Variants in TFEC observed in about 807,000 individuals in gnomAD.
The protein encoded by TFEC is class E basic helix-loop-helix protein 34.
In TFEC, 31 loss-of-function variants were observed where a neutral mutation model predicts 41.6. The observed-to-expected ratio is 0.74, with a 90% CI of 0.56 to 1.01. The LOEUF (loss-of-function observed/expected upper bound fraction) is 1.01. Ranked by LOEUF, TFEC falls within the 50% of genes least tolerant of loss-of-function variation. The probability of loss-of-function intolerance (pLI) is 0.00; values close to 1 mark genes in which losing one functional copy is unlikely to be tolerated. For missense variants in TFEC, 402 were observed against 404.1 expected (o/e 0.99, Z 0.04); for synonymous variants, 143 against 140.6 (o/e 1.02, Z -0.12).
intron 1 of TFEC, chr7:116,117,677 T>G (rs1315679827): frequency 3.3e-5 from 5 of 151,896 alleles, no homozygotes; most frequent in African/African-American, 1.2e-4. Context: ...GAAGAAATAC[T>G]GAACAGTAAT....
intron 3 of TFEC, among the ~76,000 whole-genome samples, chr7:116,076,710 A>T (rs1414835610): frequency 2.6e-5 from 4 of 152,032 alleles, no homozygotes; most frequent in African/African-American, 9.7e-5. Context: ...AAATTAACCC[A>T]GTCCAACAAA....
intron 1 of TFEC, among the ~76,000 whole-genome samples, chr7:116,134,209 GT>G (rs1176071658): frequency 6.6e-6 from 1 of 152,134 alleles, no homozygotes; most frequent in Admixed American, 6.6e-5. Flanking sequence ...TAAATGATCT[GT>G]GTAAGTTCAG....
intron 3 of TFEC, among the ~76,000 whole-genome samples, chr7:116,060,933 T>A (rs1796540715): frequency 6.6e-6 from 1 of 152,022 alleles, no homozygotes; most frequent in African/African-American, 2.4e-5. Flanking sequence ...AATATTACAG[T>A]TAAAACTAAG....
At chr7:115,973,090 G>T (rs2130593378) in intron 3 of TFEC, among the ~76,000 whole-genome samples, 1 of 149,022 alleles carries the variant, frequency 6.7e-6, no homozygotes, top group Non-Finnish European at 1.5e-5. Context: ...TTAAAAAAAT[G>T]AAAACTGAAA....
intron 1 of TFEC, among the ~76,000 whole-genome samples, chr7:115,985,739 A>G (rs1328164937): frequency 6.6e-6 from 1 of 152,168 alleles, no homozygotes; most frequent in Admixed American, 6.5e-5. Context: ...AAGATTGGTA[A>G]TAAAGATTAC....
At chr7:116,147,618 T>C (rs1798670283) in intron 1 of TFEC, among the ~76,000 whole-genome samples, 1 of 145,814 alleles carries the variant, frequency 6.9e-6, no homozygotes, top group Non-Finnish European at 1.5e-5. Context: ...AGTGTTCTCA[T>C]TGTTCAATTC....
At position 116,054,653 on chromosome 7, in the gene TFEC, A is replaced by T. The variant is rs1373439736; in HGVS notation, c.198+56055T>A. Among the ~76,000 whole-genome samples, 6 of 152,188 alleles carry T rather than the reference A, an allele frequency of 3.9e-5. No individual in the cohort carries two copies. In the South Asian group the frequency reaches 8.3e-4, roughly 21 times the overall value. On this transcript the variant is annotated intron_variant, in intron 3 of 8. Transcript: ENST00000484212. ...ATACATTTGAATTTCAGATTTTTTT[A>T]AATGAATATTTTTAGTATAAGTATG...
At chr7:116,045,109 G>C (rs1796132857) in intron 3 of TFEC, among the ~76,000 whole-genome samples, 1 of 152,220 alleles carries the variant, frequency 6.6e-6, no homozygotes, top group African/African-American at 2.4e-5. Flanking sequence ...GAACAGTTTA[G>C]AGGGCTCAGA....
At chr7:115,991,812 A>T (rs962705779) in intron 1 of TFEC, among the ~76,000 whole-genome samples, 1 of 152,214 alleles carries the variant, frequency 6.6e-6, no homozygotes, top group South Asian at 2.1e-4. Context: ...ACAGAAAGTT[A>T]ACAAGGATAT....
intron 2 of TFEC, among the ~76,000 whole-genome samples, chr7:115,978,980 A>G (rs933842746): frequency 6.6e-6 from 1 of 152,190 alleles, no homozygotes; most frequent in Non-Finnish European, 1.5e-5. Flanking sequence ...GTATGCTGAC[A>G]ACCTCAAATC....
intron 1 of TFEC, among the ~76,000 whole-genome samples, chr7:115,994,764 T>C (rs1794285427): frequency 6.6e-6 from 1 of 152,150 alleles, no homozygotes; most frequent in African/African-American, 2.4e-5. Context: ...GTAAACTAGT[T>C]CAACCATTGT....
chr7:115,961,647 T>C (rs1485983085), intron 3 of TFEC, among the ~76,000 whole-genome samples: 2 of 151,614 alleles, frequency 1.3e-5, no homozygotes, highest in Non-Finnish European at 3.0e-5. Context: ...ATTGACATGC[T>C]TCTGGCAAAA....
chr7:115,954,051 C>T lies in TFEC; in HGVS notation c.439+535G>A, dbSNP rs145359241. Among the ~76,000 whole-genome samples the T allele has an allele frequency of 6.0e-3, 905 of 152,088 alleles. 13 individuals are homozygous for T. Among genetic ancestry groups the T allele is most frequent in the African/African-American group, 0.021 (854 of 41,540 alleles). On this transcript the variant is annotated intron_variant, in intron 5 of 7. Coordinates refer to ENST00000265440, the MANE Select transcript of TFEC (RefSeq NM_012252.4). ...TCGCTGCCAATCTACTTTTCTTGCC[C>T]GATTTCTCCATCTCATATGACCTGT...
intron 1 of TFEC, among the ~76,000 whole-genome samples, chr7:116,118,068 G>T (rs1280302335): frequency 6.6e-6 from 1 of 151,770 alleles, no homozygotes; most frequent in East Asian, 1.9e-4. Flanking sequence ...AACACCAAAA[G>T]ATCAACTGAT....
intron 1 of TFEC, among the ~76,000 whole-genome samples, chr7:116,147,238 A>C (rs6950848): frequency 0.5 from 76,157 of 151,918 alleles, 19,874 homozygotes; most frequent in East Asian, 0.7. Context: ...ATCCTCAAAT[A>C]TAGGAAGTTC....
intron 3 of TFEC, among the ~76,000 whole-genome samples, chr7:115,962,052 T>C (rs370070442): frequency 6.6e-6 from 1 of 151,424 alleles, no homozygotes; most frequent in Non-Finnish European, 1.5e-5. Context: ...ACATGAACCA[T>C]GAACAAACTG....
intron 1 of TFEC, among the ~76,000 whole-genome samples, chr7:116,015,350 GA>G (rs1443337479): frequency 1.3e-5 from 2 of 151,872 alleles, no homozygotes; most frequent in Non-Finnish European, 2.9e-5. Context: ...AGTTATAAAG[GA>G]AAAAAGTTCT....
At chr7:116,010,154 G>C (rs1490391405) in intron 1 of TFEC, among the ~76,000 whole-genome samples, 2 of 152,160 alleles carry the variant, frequency 1.3e-5, no homozygotes, top group African/African-American at 4.8e-5. Flanking sequence ...TAATGACATG[G>C]TCCAAAGGGG....
intron 3 of TFEC, among the ~76,000 whole-genome samples, chr7:116,053,995 T>C (rs1344531266): frequency 6.6e-6 from 1 of 152,236 alleles, no homozygotes; most frequent in African/African-American, 2.4e-5. Flanking sequence ...TGCAATTTAA[T>C]AGTAAACTGA....
Sources: allele counts gnomAD v4.1 joint callset (sites outside exome capture counted in the v4.1 genomes callset), GRCh38; gene constraint gnomAD v4.1.1; transcripts MANE v1.5; gene names NCBI Gene and HGNC (gene_info 2026-07-23, HGNC 2026-07-21).